EPHA5: variants seen among roughly 807,000 people sequenced by gnomAD.
EPHA5 encodes the protein EPH receptor A5, also known as ephrin type-A receptor 5.
A neutral mutation model predicts 105.0 loss-of-function variants in EPHA5; 60 were observed. The ratio of observed to expected loss-of-function variants is 0.57; its 90% CI spans 0.46 to 0.71. The LOEUF is 0.71. EPHA5 is among the 30% of genes least tolerant of loss of function. EPHA5 has a pLI of 0.00. For missense variants in EPHA5, 1,218 were observed against 1,274.7 expected, an observed-to-expected ratio of 0.96 and a Z score of 0.68; for synonymous variants, 513 against 449.1, an observed-to-expected ratio of 1.14 and a Z score of -1.80.
At chr4:65,336,989 A>C (rs1393267143) in intron 14 of EPHA5, among the ~76,000 whole-genome samples, 4 of 152,148 alleles carry the variant, frequency 2.6e-5, no homozygotes, top group Non-Finnish European at 5.9e-5. Flanking sequence ...AATTAGTCTT[A>C]ATTATACTTT....
chr4:65,603,426 G>A (rs1743930703), intron 2 of EPHA5, among the ~76,000 whole-genome samples: 1 of 151,918 alleles, frequency 6.6e-6, no homozygotes, highest in South Asian at 2.1e-4. Flanking sequence ...AAACCATACT[G>A]ACTTTCAAAA....
intron 5 of EPHA5, among the ~76,000 whole-genome samples, chr4:65,443,429 C>T (rs1271047158): frequency 4.0e-5 from 6 of 150,640 alleles, no homozygotes; most frequent in African/African-American, 1.2e-4. Flanking sequence ...ACTGCGATAC[C>T]GAATTAGATG....
intron 3 of EPHA5, among the ~76,000 whole-genome samples, chr4:65,509,934 T>C (rs988851877): frequency 1.3e-5 from 2 of 152,036 alleles, no homozygotes; most frequent in African/African-American, 4.8e-5. Context: ...TCAGGACAGG[T>C]GGATCTGGTA....
chr4:65,448,683 G>A (rs567103904), intron 5 of EPHA5, among the ~76,000 whole-genome samples: 2 of 151,862 alleles, frequency 1.3e-5, no homozygotes, highest in Non-Finnish European at 2.9e-5. Context: ...ACAACAAAAC[G>A]ACTTTGTACT....
chr4:65,336,740 C>T lies in EPHA5; in HGVS notation c.2596-615G>A, dbSNP rs145288261. 3.0e-3 allele frequency among the ~76,000 whole-genome samples: 454 copies of T among 152,138 alleles called. 1 individual carries two copies. The highest frequency in any genetic ancestry group is 0.011 in the African/African-American group (438 of 41,528). ...TAGTAGCACAAGAATTATAAATATC[C>T]TTGATTTTAAATGTAACCACACATA... is the stretch of plus-strand genomic sequence containing the variant. On this transcript the variant is annotated intron_variant, in intron 14 of 16. Coordinates refer to ENST00000613740, the MANE Select transcript of EPHA5 (RefSeq NM_001281766.3).
At chr4:65,335,485 T>C (rs1275229627) in intron 15 of EPHA5, among the ~76,000 whole-genome samples, 2 of 152,024 alleles carry the variant, frequency 1.3e-5, no homozygotes, top group African/African-American at 2.4e-5. Context: ...AAATTGTCAA[T>C]GTTTCTAAAA....
intron 8 of EPHA5, 132 bp downstream of exon 8, chr4:65,404,242 C>T (rs1722134387): frequency 1.5e-6 from 1 of 648,728 alleles, no homozygotes; most frequent in Admixed American, 2.6e-5. Flanking sequence ...GGAATTGCAT[C>T]ATGTATTGAG....
chr4:65,573,482 G>C, intron 3 of EPHA5: 1 of 1,524,540 alleles, frequency 6.6e-7, no homozygotes, highest in Non-Finnish European at 8.8e-7. Flanking sequence ...AAGTTTAGAA[G>C]CCAGATACTA....
intron 4 of EPHA5, among the ~76,000 whole-genome samples, 185 bp from the exon 5 acceptor site, chr4:65,490,897 A>C (rs2149215269): frequency 6.6e-6 from 1 of 152,288 alleles, no homozygotes; most frequent in East Asian, 1.9e-4. Flanking sequence ...TATGGAAATG[A>C]CTTATCTTGG....
chr4:65,387,572 T>TA (rs958361105), intron 8 of EPHA5, among the ~76,000 whole-genome samples: 16 of 151,420 alleles, frequency 1.1e-4, no homozygotes, highest in Admixed American at 2.6e-4. Flanking sequence ...CATTAAGCCT[T>TA]AAAAAAAAGC....
At chr4:65,413,237 C>A (rs903950892) in intron 7 of EPHA5, among the ~76,000 whole-genome samples, 1 of 152,040 alleles carries the variant, frequency 6.6e-6, no homozygotes, top group Non-Finnish European at 1.5e-5. Context: ...AAACTTCACT[C>A]ATGGATTTTC....
intron 3 of EPHA5, among the ~76,000 whole-genome samples, chr4:65,540,169 A>C (rs1736679796): frequency 6.6e-6 from 1 of 151,756 alleles, no homozygotes; most frequent in South Asian, 2.1e-4. Context: ...AGCAACAATA[A>C]ATGTAATACT....
chr4:65,662,343 T>C (rs2149552201), intron 1 of EPHA5, among the ~76,000 whole-genome samples: 1 of 152,304 alleles, frequency 6.6e-6, no homozygotes, highest in East Asian at 1.9e-4. Context: ...CTTTAATTTT[T>C]TTTATTTTTT....
intron 6 of EPHA5, among the ~76,000 whole-genome samples, chr4:65,414,875 T>A (rs1156783000): frequency 6.6e-6 from 1 of 152,222 alleles, no homozygotes; most frequent in Non-Finnish European, 1.5e-5. Context: ...GTAAGACTTA[T>A]GCTTTAACTC....
At position 65,452,926 on chromosome 4, in the gene EPHA5, G is replaced by C. The variant is rs150541408; in HGVS notation, c.1403-32361C>G. On this transcript the variant is annotated intron_variant, in intron 5 of 16. Transcript: ENST00000613740. ...CAAAAAGAAGAAATTGTGCTGACTT[G>C]GTCAGCATTCTTTTTCTTTCCTATG... Among the ~76,000 whole-genome samples, 357 of 152,196 alleles carry C rather than the reference G, an allele frequency of 2.3e-3. 8 individuals are homozygous for C. The highest frequency in any genetic ancestry group is 0.022 in the Admixed American group (343 of 15,282).
intron 11 of EPHA5, among the ~76,000 whole-genome samples, chr4:65,361,408 A>C (rs2148879511): frequency 6.6e-6 from 1 of 151,708 alleles, no homozygotes; most frequent in East Asian, 1.9e-4. Flanking sequence ...TATCAGGTTA[A>C]GTATGAAAGT....
At chr4:65,543,663 A>T (rs561507715) in intron 3 of EPHA5, among the ~76,000 whole-genome samples, 1 of 152,098 alleles carries the variant, frequency 6.6e-6, no homozygotes, top group South Asian at 2.1e-4. Flanking sequence ...TAATTTATAG[A>T]TTCAATGCTA....
chr4:65,482,393 G>A lies in EPHA5; in HGVS notation c.1402+7984C>T, dbSNP rs569007287. ...CTATAACAATAAAAAAGAATGATGA[G>A]CACAACAATGCTATCTTTAAAAAAA... On this transcript the variant is annotated intron_variant, in intron 5 of 16. Coordinates refer to ENST00000613740, the MANE Select transcript of EPHA5 (RefSeq NM_001281766.3). 3.3e-5 allele frequency among the ~76,000 whole-genome samples: 5 copies of A among 151,306 alleles called. No homozygotes were observed. The East Asian group carries it at 9.7e-4, about 29-fold the overall frequency.
chr4:65,570,061 T>C (rs1476021813), intron 3 of EPHA5, among the ~76,000 whole-genome samples: 1 of 151,632 alleles, frequency 6.6e-6, no homozygotes, highest in Non-Finnish European at 1.5e-5. Context: ...TAATTATATA[T>C]AATAGATGAG....
Sources: gnomAD v4.1 joint callset for allele counts (sites outside exome capture counted in the v4.1 genomes callset) on GRCh38, gnomAD v4.1.1 for gene constraint, MANE v1.5 for transcripts, NCBI Gene and HGNC (gene_info 2026-07-23, HGNC 2026-07-21) for gene names.